Variants in SRRM3 observed in about 807,000 individuals in gnomAD.
SRRM3 encodes serine/arginine repetitive matrix 3.
A neutral mutation model predicts 66.2 loss-of-function variants in SRRM3; 27 were observed. The observed-to-expected ratio is 0.41, with a 90% CI of 0.30 to 0.56. The LOEUF (loss-of-function observed/expected upper bound fraction) is 0.56, where lower values mean the gene tolerates loss of function less well. Ranked by LOEUF, SRRM3 falls within the 20% of genes least tolerant of loss-of-function variation. The pLI, the probability that SRRM3 is intolerant of heterozygous loss-of-function variation, is 0.32. For synonymous variants in SRRM3, 391 were observed against 414.9 expected (o/e 0.94, Z 0.70); for missense variants, 918 against 991.9 (o/e 0.93, Z 1.00).
At chr7:76,228,955 G>A (rs1036963149) in intron 1 of SRRM3, among the ~76,000 whole-genome samples, 3 of 148,668 alleles carry the variant, frequency 2.0e-5, no homozygotes, top group Non-Finnish European at 4.5e-5. Flanking sequence ...CTGGAGTGCA[G>A]TGGCATGATC....
chr7:76,253,660 T>C (rs1801636332), intron 3 of SRRM3, among the ~76,000 whole-genome samples: 1 of 146,694 alleles, frequency 6.8e-6, no homozygotes, highest in Admixed American at 6.8e-5. Context: ...AAAATAAAAA[T>C]ACAAAATTAA....
chr7:76,283,223 G>T, intron 14 of SRRM3, 122 bp downstream of exon 14: 1 of 1,183,046 alleles, frequency 8.5e-7, no homozygotes, highest in Non-Finnish European at 1.1e-6. Context: ...GGGGATGGGG[G>T]GGGGTGCTAA....
At chr7:76,260,393 C>T (rs1801828353) in intron 5 of SRRM3, among the ~76,000 whole-genome samples, 196 bp downstream of exon 5, 1 of 146,972 alleles carries the variant, frequency 6.8e-6, no homozygotes, top group African/African-American at 2.5e-5. Flanking sequence ...AAGCTCCTCC[C>T]CTCGCTAGGC....
chr7:76,213,669 T>G (rs1387732179), intron 1 of SRRM3, among the ~76,000 whole-genome samples: 1 of 152,142 alleles, frequency 6.6e-6, no homozygotes, highest in Non-Finnish European at 1.5e-5. Flanking sequence ...CTCTCAGGGT[T>G]TCTCTGTAGC....
intron 9 of SRRM3, 21 bp from the exon 10 acceptor site, chr7:76,265,343 G>A (rs914613361): frequency 4.6e-5 from 72 of 1,576,976 alleles, no homozygotes; most frequent in Non-Finnish European, 5.9e-5. Flanking sequence ...GGTACAGGCT[G>A]ATTTCCCCCA....
At chr7:76,258,206 G>T (rs554005890) in intron 3 of SRRM3, among the ~76,000 whole-genome samples, 2 of 152,156 alleles carry the variant, frequency 1.3e-5, no homozygotes, top group East Asian at 1.9e-4. Context: ...GAGCAGGGGG[G>T]GCCCCTGGAG....
chr7:76,204,241 C>T (rs1224166452), intron 1 of SRRM3, among the ~76,000 whole-genome samples: 2 of 152,124 alleles, frequency 1.3e-5, no homozygotes, highest in Non-Finnish European at 2.9e-5. Context: ...TTTATTGTCC[C>T]CCAGGGACAA....
chr7:76,283,456 G>A (rs1802583555), intron 14 of SRRM3: 35 of 484,674 alleles, frequency 7.2e-5, no homozygotes, highest in South Asian at 5.8e-4. Flanking sequence ...CCATCCCTCC[G>A]GAGCCCCTCC....
At chr7:76,265,046 C>T (rs1018717094) in intron 9 of SRRM3, among the ~76,000 whole-genome samples, 15 of 152,244 alleles carry the variant, frequency 9.9e-5, no homozygotes, top group African/African-American at 3.6e-4. Flanking sequence ...CCTCGTGACT[C>T]CCACCCTCCT....
At chr7:76,265,850 A>ACATT in intron 10 of SRRM3, among the ~76,000 whole-genome samples, 1 of 9,914 alleles carries the variant, frequency 1.0e-4, no homozygotes, top group Non-Finnish European at 1.3e-4. Flanking sequence ...ATATATATAT[A>ACATT]TATATATATT....
intron 2 of SRRM3, among the ~76,000 whole-genome samples, chr7:76,246,677 CA>C (rs1158813061): frequency 6.6e-6 from 1 of 152,176 alleles, no homozygotes; most frequent in Non-Finnish European, 1.5e-5. Flanking sequence ...CCTCCATGCC[CA>C]GGGCATCTTG....
intron 11 of SRRM3, 163 bp downstream of exon 11, chr7:76,267,598 G>A (rs1802106166): frequency 1.7e-6 from 1 of 575,396 alleles, no homozygotes; most frequent in African/African-American, 2.0e-5. Context: ...TCCTGGCTCG[G>A]GAGCCGCCGG....
chr7:76,213,692 A>G (rs1389542746), intron 1 of SRRM3, among the ~76,000 whole-genome samples: 5 of 152,046 alleles, frequency 3.3e-5, no homozygotes, highest in Admixed American at 6.6e-5. Flanking sequence ...GGGGACTTGA[A>G]AGGGGTTATG....
Position 76,282,707 on chromosome 7 carries a change from A to T in SRRM3, c.1430A>T (p.His477Leu), listed in dbSNP as rs1802556915. ...PASTSPSPGA[H>L]GRRGGPEGKS... is the part of the protein sequence containing the mutation. ...AGCACCTCTCCGTCCCCGGGCGCGC[A>T]CGGCCGGCGCGGCGGCCCAGAAGGG... Residue 477 changes from histidine to leucine, a missense_variant, in exon 13 of 15, where the codon CAC becomes CTC. Coordinates refer to ENST00000611745, the MANE Select transcript of SRRM3 (RefSeq NM_001110199.3). 4 of 1,421,162 alleles carry T rather than the reference A, an allele frequency of 2.8e-6. No individual in the cohort carries two copies. The highest frequency in any genetic ancestry group is 3.7e-6 in the Non-Finnish European group (4 of 1,094,414). 88.0% of individuals were successfully genotyped at this position (1,421,162 alleles called of 1,614,324 possible).
intron 2 of SRRM3, among the ~76,000 whole-genome samples, chr7:76,241,379 A>G (rs1480256776): frequency 6.6e-6 from 1 of 152,214 alleles, no homozygotes; most frequent in Non-Finnish European, 1.5e-5. Context: ...CAATTCTCGG[A>G]GCTGGTGCCA....
intron 1 of SRRM3, among the ~76,000 whole-genome samples, chr7:76,233,063 G>A (rs1554604377): frequency 6.6e-6 from 1 of 152,156 alleles, no homozygotes. Flanking sequence ...AGTACTTTGG[G>A]AGGCCAAAGT....
chr7:76,232,717 A>G (rs77810055), intron 1 of SRRM3, among the ~76,000 whole-genome samples: 10,032 of 152,112 alleles, frequency 0.066, 785 homozygotes, highest in African/African-American at 0.18. Context: ...CAAGAGAGGT[A>G]GAGGAGGATG....
intron 1 of SRRM3, among the ~76,000 whole-genome samples, chr7:76,214,111 G>T (rs1554602254): frequency 1.3e-5 from 2 of 152,078 alleles, no homozygotes; most frequent in African/African-American, 2.4e-5. Context: ...TAGTTTCCCA[G>T]ACAGGAGGCC....
At chr7:76,223,404 C>T (rs1800772901) in intron 1 of SRRM3, among the ~76,000 whole-genome samples, 1 of 152,196 alleles carries the variant, frequency 6.6e-6, no homozygotes, top group Non-Finnish European at 1.5e-5. Context: ...GGGAATATGT[C>T]CCTGTCATGG....
Sources: gnomAD v4.1 joint callset for allele counts (sites outside exome capture counted in the v4.1 genomes callset) on GRCh38, gnomAD v4.1.1 for gene constraint, MANE v1.5 for transcripts, NCBI Gene and HGNC (gene_info 2026-07-23, HGNC 2026-07-21) for gene names.